The following RDX variants were observed in gnomAD, a reference collection of about 807,000 sequenced individuals.
RDX encodes deafness, autosomal recessive 24.
In RDX, 32 loss-of-function variants were observed where a neutral mutation model predicts 83.7. The observed-to-expected ratio is 0.38, with a 90% CI of 0.29 to 0.51. The LOEUF is 0.51. RDX is among the 20% of genes least tolerant of loss of function. RDX has a pLI of 0.87. For synonymous variants in RDX, 229 were observed against 222.7 expected, an observed-to-expected ratio of 1.03 and a Z score of -0.25; for missense variants, 600 against 689.9, an observed-to-expected ratio of 0.87 and a Z score of 1.46.
intron 12 of RDX, among the ~76,000 whole-genome samples, chr11:110,235,216 T>G (rs1404303971): frequency 6.6e-6 from 1 of 152,132 alleles, no homozygotes; most frequent in Non-Finnish European, 1.5e-5. Context: ...GGTGCATGCC[T>G]GTAGTCTCGG....
intron 12 of RDX, among the ~76,000 whole-genome samples, chr11:110,235,041 C>G (rs548613462): frequency 6.6e-6 from 1 of 152,196 alleles, no homozygotes; most frequent in African/African-American, 2.4e-5. Context: ...GTTTCATCTA[C>G]TTAGGACTCA....
intron 2 of RDX, chr11:110,272,952 C>A (rs535989749): frequency 1.3e-5 from 6 of 460,248 alleles, no homozygotes; most frequent in African/African-American, 2.0e-5. Flanking sequence ...AAGAGCTGGA[C>A]ATGGTGCCTC....
chr11:110,247,899 C>A, intron 9 of RDX, 66 bp from the exon 10 acceptor site: 1 of 1,498,576 alleles, frequency 6.7e-7, no homozygotes, highest in Non-Finnish European at 9.0e-7. Flanking sequence ...TGATGGAATA[C>A]TACTCTGCCA....
intron 1 of RDX, among the ~76,000 whole-genome samples, chr11:110,289,500 A>G (rs549982437): frequency 2.6e-5 from 4 of 152,190 alleles, no homozygotes; most frequent in Non-Finnish European, 5.9e-5. Context: ...TCTAGAACCT[A>G]TAAACAGCTT....
intron 1 of RDX, among the ~76,000 whole-genome samples, chr11:110,291,762 G>A (rs1029564996): frequency 6.6e-6 from 1 of 152,192 alleles, no homozygotes; most frequent in African/African-American, 2.4e-5. Context: ...ACAGGGAAGA[G>A]AGTTGGAAAG....
At chr11:110,255,845 T>C (rs572515428) in intron 7 of RDX, among the ~76,000 whole-genome samples, 3 of 152,324 alleles carry the variant, frequency 2.0e-5, no homozygotes, top group Admixed American at 2.0e-4. Context: ...CTGTGTTTAA[T>C]TTGAAAATGT....
At chr11:110,253,588 C>T (rs768807633) in intron 9 of RDX, among the ~76,000 whole-genome samples, 14 of 152,150 alleles carry the variant, frequency 9.2e-5, no homozygotes, top group Non-Finnish European at 1.8e-4. Flanking sequence ...ATGTCACTGA[C>T]ATTGTTTCAA....
chr11:110,251,344 A>C (rs1343034193), intron 9 of RDX, among the ~76,000 whole-genome samples: 1 of 152,228 alleles, frequency 6.6e-6, no homozygotes, highest in Non-Finnish European at 1.5e-5. Flanking sequence ...TATCCAACTT[A>C]GTTTATAATA....
intron 1 of RDX, among the ~76,000 whole-genome samples, chr11:110,290,870 C>T (rs1861214797): frequency 6.6e-6 from 1 of 152,162 alleles, no homozygotes; most frequent in Admixed American, 6.5e-5. Flanking sequence ...AGCCCATGGA[C>T]CACAATTTGC....
rs560959866 is a variant in RDX at position 110,204,333 on chromosome 11, G to C, written c.1749-4655C>G. Among the ~76,000 whole-genome samples, 6 of 149,728 alleles carry C rather than the reference G, an allele frequency of 4.0e-5. No homozygotes were observed. In the East Asian group the frequency reaches 1.2e-3, roughly 29 times the overall value. On this transcript the variant is annotated intron_variant, in intron 14 of 15. Coordinates refer to the RDX transcript ENST00000528498. ...AGTTTTCAAATGTAACTCTGAAAATGACAGCAAAAAGATGATTAATAATAA... is the reference window on the plus strand; with the variant it reads ...AGTTTTCAAATGTAACTCTGAAAATCACAGCAAAAAGATGATTAATAATAA...
rs141735208 is a variant in RDX, at chr11:110,176,580, T to C, written c.*32-1346A>G. On this transcript the variant is annotated intron_variant, in intron 15 of 15. Coordinates refer to the RDX transcript ENST00000528498. Reference sequence around the variant, plus strand: ...GATGGGGAAAGAGGAAGATGGCAACTGACTTTAAAAGATCCTTCTCCATCT... The same window carrying C: ...GATGGGGAAAGAGGAAGATGGCAACCGACTTTAAAAGATCCTTCTCCATCT... Among the ~76,000 whole-genome samples, 47 of 152,328 alleles carry C rather than the reference T, an allele frequency of 3.1e-4. 1 individual carries two copies. In the South Asian group the frequency reaches 5.0e-3, roughly 16 times the overall value.
intron 14 of RDX, among the ~76,000 whole-genome samples, chr11:110,216,541 CTTTTTTTTTTTT>C (rs11432416): frequency 7.3e-6 from 1 of 136,686 alleles, no homozygotes; most frequent in African/African-American, 2.7e-5. Context: ...AATTTTTTTT[CTTTTTTTTTTTT>C]TTTAAATAGA....
chr11:110,270,501 TAGAA>T (rs1860260165), intron 3 of RDX, among the ~76,000 whole-genome samples: 1 of 152,178 alleles, frequency 6.6e-6, no homozygotes, highest in Non-Finnish European at 1.5e-5. Flanking sequence ...TCTACATAAA[TAGAA>T]AGAGATATAC....
chr11:110,237,927 G>A (rs1022000222), intron 10 of RDX: 9 of 344,482 alleles, frequency 2.6e-5, no homozygotes, highest in East Asian at 1.8e-4. Context: ...GCTATACCTC[G>A]TTTCCAACTT....
At chr11:110,185,901 C>T (rs534426125) in intron 15 of RDX, among the ~76,000 whole-genome samples, 1 of 152,340 alleles carries the variant, frequency 6.6e-6, no homozygotes, top group South Asian at 2.1e-4. Context: ...ACCTACCAGT[C>T]AAGCAACTCA....
At chr11:110,199,589 G>A in exon 15 of RDX, 1 of 703,016 alleles carries the variant, frequency 1.4e-6, no homozygotes, top group African/African-American at 1.7e-5. Context: ...ACCTAGTGAG[G>A]GAGGGAGCCT....
chr11:110,265,600 T>C (rs1236281213), intron 3 of RDX, among the ~76,000 whole-genome samples: 1 of 152,112 alleles, frequency 6.6e-6, no homozygotes, highest in Non-Finnish European at 1.5e-5. Flanking sequence ...TGGTATCATT[T>C]TGGTGATAAG....
At chr11:110,218,358 T>C (rs189259052) in intron 14 of RDX, among the ~76,000 whole-genome samples, 68 of 152,322 alleles carry the variant, frequency 4.5e-4, no homozygotes, top group South Asian at 3.5e-3. Flanking sequence ...AACATCGTAA[T>C]AGATTTTTTT....
intron 14 of RDX, among the ~76,000 whole-genome samples, chr11:110,221,645 CGA>C (rs1864254597): frequency 6.6e-5 from 10 of 150,420 alleles, no homozygotes; most frequent in Admixed American, 1.3e-4. Context: ...CACACACACA[CGA>C]AGATCAAAGT....
Sources: gnomAD v4.1 joint callset for allele counts (sites outside exome capture counted in the v4.1 genomes callset) on GRCh38, gnomAD v4.1.1 for gene constraint, MANE v1.5 for transcripts, NCBI Gene and HGNC (gene_info 2026-07-23, HGNC 2026-07-21) for gene names.